The following OIP5 variants were observed in gnomAD, a reference collection of about 807,000 sequenced individuals.
The protein encoded by OIP5 is Opa interacting protein 5.
A neutral mutation model predicts 20.3 loss-of-function variants in OIP5; 24 were observed. The observed-to-expected ratio is 1.18, with a 90% confidence interval of 0.86 to 1.66. OIP5 has a LOEUF of 1.66. Among genes scored for constraint, OIP5 ranks in the 40% most tolerant of loss-of-function variants. OIP5 has a pLI of 0.00. For synonymous variants in OIP5, 143 were observed against 121.3 expected (o/e 1.18, Z -1.17); for missense variants, 339 against 289.5 (o/e 1.17, Z -1.24).
intron 2 of OIP5, among the ~76,000 whole-genome samples, chr15:41,328,201 T>G (rs570694029): frequency 4.5e-4 from 68 of 152,348 alleles, no homozygotes; most frequent in African/African-American, 1.6e-3. Flanking sequence ...TGTTTTGTTT[T>G]AGAGATGAAG....
chr15:41,320,675 C>T (rs369790070), intron 2 of OIP5, among the ~76,000 whole-genome samples: 7 of 152,156 alleles, frequency 4.6e-5, no homozygotes, highest in Admixed American at 2.6e-4. Context: ...TCCCAAAGTG[C>T]CGAGATTACA....
At chr15:41,326,578 C>T (rs1355592471) in intron 2 of OIP5, among the ~76,000 whole-genome samples, 1 of 152,168 alleles carries the variant, frequency 6.6e-6, no homozygotes, top group African/African-American at 2.4e-5. Flanking sequence ...CAGGCGTGCA[C>T]CACCACGCTT....
intron 2 of OIP5, among the ~76,000 whole-genome samples, chr15:41,329,635 C>T (rs1333256116): frequency 1.3e-5 from 2 of 150,604 alleles, no homozygotes; most frequent in East Asian, 4.0e-4. Flanking sequence ...TTTTACAAAG[C>T]ATCTAAACAA....
intron 4 of OIP5, among the ~76,000 whole-genome samples, chr15:41,310,065 G>C (rs760765825): frequency 6.6e-6 from 1 of 152,008 alleles, no homozygotes; most frequent in Non-Finnish European, 1.5e-5. Context: ...TAGAGATGGG[G>C]GTCTTGCTTT....
At chr15:41,323,038 TCCCACA>T (rs2047840132) in intron 2 of OIP5, among the ~76,000 whole-genome samples, 1 of 152,010 alleles carries the variant, frequency 6.6e-6, no homozygotes, top group Admixed American at 6.6e-5. Context: ...GTAAATGAAG[TCCCACA>T]CCCACACCAC....
intron 2 of OIP5, among the ~76,000 whole-genome samples, chr15:41,320,302 T>C (rs1030181166): frequency 2.0e-5 from 3 of 150,896 alleles, no homozygotes; most frequent in African/African-American, 7.3e-5. Context: ...TCTCCCTCTC[T>C]TTCCACGGTC....
intron 2 of OIP5, among the ~76,000 whole-genome samples, chr15:41,320,790 A>G (rs1490981053): frequency 8.9e-5 from 13 of 146,582 alleles, no homozygotes; most frequent in African/African-American, 3.1e-4. Flanking sequence ...CCCAGTCTGG[A>G]AAGTGAGGAG....
In OIP5 at chr15:41,332,359, G is replaced by A. The variant is rs1414689234; in HGVS notation, c.203C>T (p.Ser68Phe). 6.2e-7 allele frequency: 1 copy of A among 1,612,758 alleles called. No homozygotes were observed. The highest frequency in any genetic ancestry group is 8.5e-7 in the Non-Finnish European group (1 of 1,179,256). The change falls in exon 1 of 5, where the codon TCT becomes TTT. Residue 68 changes from serine to phenylalanine, a missense_variant. Physicochemically the swap from Ser to Phe is radical, Grantham distance 155. Coordinates refer to ENST00000220514, the MANE Select transcript of OIP5 (RefSeq NM_007280.2). ...EEPAAGPQLPSWLQPERCAVF... is the reference protein window; with the variant it reads ...EEPAAGPQLPFWLQPERCAVF... ...AGCGCACCTCTCAGGCTGCAGCCAAGACGGCAGCTGCGGGCCGGCGGCTGG... is the reference window on the plus strand; with the variant it reads ...AGCGCACCTCTCAGGCTGCAGCCAAAACGGCAGCTGCGGGCCGGCGGCTGG...
At chr15:41,311,395 A>G (rs1005040035) in intron 4 of OIP5, among the ~76,000 whole-genome samples, 12 of 152,016 alleles carry the variant, frequency 7.9e-5, no homozygotes, top group Non-Finnish European at 1.8e-4. Flanking sequence ...CCTGGGAGGC[A>G]GAGTGAGACT....
At chr15:41,317,586 T>C (rs180930676) in intron 3 of OIP5, among the ~76,000 whole-genome samples, 2 of 152,190 alleles carry the variant, frequency 1.3e-5, no homozygotes, top group East Asian at 3.9e-4. Context: ...TTTCCCATGT[T>C]GGCCAGGATG....
At chr15:41,314,277 T>C (rs956659358) in intron 3 of OIP5, among the ~76,000 whole-genome samples, 3 of 152,096 alleles carry the variant, frequency 2.0e-5, no homozygotes, top group African/African-American at 7.2e-5. Context: ...AATTTTTGTA[T>C]TTTTAGTAGA....
rs1012790694 is a variant in OIP5 at position 41,332,446 on chromosome 15, C to T, written c.116G>A (p.Trp39Ter). 1.9e-6 allele frequency: 3 copies of T among 1,614,006 alleles called. No individual in the cohort carries two copies. The highest frequency in any genetic ancestry group is 1.3e-5 in the African/African-American group (1 of 74,950). The change falls in exon 1 of 5, where the codon TGG becomes TAG. Residue 39 changes from tryptophan (W) to a stop codon, truncating the protein, a stop_gained. Transcript: ENST00000220514. LOFTEE classifies it high-confidence loss of function. ...DQASFTTSME[W>*]DTQVVKGSSP... is the part of the protein sequence containing the mutation. ...GGACCCCTTCACCACCTGCGTATCCCACTCCATGGAGGTCGTAAAAGAAGC... is the reference window on the plus strand; with the variant it reads ...GGACCCCTTCACCACCTGCGTATCCTACTCCATGGAGGTCGTAAAAGAAGC...
At position 41,319,794 on chromosome 15, in the gene OIP5, A is replaced by G; in HGVS notation, c.390-14T>C. ...AGGTTGTAAGTACTAGGGGTGGGGAAAAACACAATATGGGTAAGAATAAAA... is the reference window on the plus strand; with the variant it reads ...AGGTTGTAAGTACTAGGGGTGGGGAGAAACACAATATGGGTAAGAATAAAA... On this transcript the variant is annotated splice_polypyrimidine_tract_variant and intron_variant, in intron 2 of 4. Coordinates refer to ENST00000220514, the MANE Select transcript of OIP5 (RefSeq NM_007280.2). The G allele has an allele frequency of 6.3e-7, 1 of 1,595,440 alleles. No homozygotes were observed. Among genetic ancestry groups the G allele is most frequent in the Non-Finnish European group, 8.5e-7 (1 of 1,172,426 alleles).
intron 3 of OIP5, among the ~76,000 whole-genome samples, chr15:41,315,099 C>CAAAA (rs761038863): frequency 1.7e-5 from 1 of 57,708 alleles, no homozygotes; most frequent in Admixed American, 2.0e-4. Context: ...GACCCTGTCT[C>CAAAA]AAAAAAAAAA....
chr15:41,315,169 C>G (rs576228288), intron 3 of OIP5, among the ~76,000 whole-genome samples: 1 of 151,146 alleles, frequency 6.6e-6, no homozygotes, highest in Non-Finnish European at 1.5e-5. Context: ...GTGGCTTATG[C>G]GTGTAATCCC....
chr15:41,323,372 C>A (rs1189185811), intron 2 of OIP5, among the ~76,000 whole-genome samples: 1 of 152,062 alleles, frequency 6.6e-6, no homozygotes, highest in Non-Finnish European at 1.5e-5. Flanking sequence ...ATTTACTTTG[C>A]CCAGATCCAT....
chr15:41,314,094 G>T (rs966850488), intron 3 of OIP5, among the ~76,000 whole-genome samples: 2 of 152,120 alleles, frequency 1.3e-5, no homozygotes, highest in African/African-American at 4.8e-5. Flanking sequence ...CCTATTCCCA[G>T]TAGCTGTTCC....
intron 4 of OIP5, among the ~76,000 whole-genome samples, chr15:41,311,243 C>T (rs916561058): frequency 4.6e-5 from 7 of 152,042 alleles, no homozygotes; most frequent in Non-Finnish European, 8.8e-5. Flanking sequence ...TATCTGGGCA[C>T]GGTAGTGCGC....
intron 2 of OIP5, among the ~76,000 whole-genome samples, chr15:41,329,379 G>C: frequency 6.7e-6 from 1 of 148,660 alleles, no homozygotes; most frequent in East Asian, 2.0e-4. Flanking sequence ...GTAGTGGTGC[G>C]ATCTTGGCTC....
Sources: allele counts gnomAD v4.1 joint callset (sites outside exome capture counted in the v4.1 genomes callset), GRCh38; gene constraint gnomAD v4.1.1; transcripts MANE v1.5; gene names NCBI Gene and HGNC (gene_info 2026-07-23, HGNC 2026-07-21).